HUNK: variants seen among roughly 807,000 people sequenced by gnomAD.
The protein encoded by HUNK is hormonally up-regulated Neu-associated kinase, also known as hormonally up-regulated neu tumor-associated kinase.
In HUNK, 21 loss-of-function variants were observed where a neutral mutation model predicts 61.0. The ratio of observed to expected loss-of-function variants is 0.34; its 90% CI spans 0.24 to 0.50. HUNK has a LOEUF of 0.50. Among genes scored for constraint, HUNK ranks in the 20% least tolerant of loss-of-function variants. The pLI is 0.98. For missense variants in HUNK, 772 were observed against 945.7 expected, an observed-to-expected ratio of 0.82 and a Z score of 2.41; for synonymous variants, 371 against 386.1, an observed-to-expected ratio of 0.96 and a Z score of 0.46.
intron 9 of HUNK, 72 bp downstream of exon 9, chr21:31,990,248 G>T: frequency 3.8e-6 from 5 of 1,320,424 alleles, no homozygotes; most frequent in Non-Finnish European, 5.4e-6. Flanking sequence ...TATGGAGAGA[G>T]AGAGAGATTG....
At chr21:31,908,153 T>C (rs866148301) in intron 1 of HUNK, among the ~76,000 whole-genome samples, 5 of 152,174 alleles carry the variant, frequency 3.3e-5, no homozygotes, top group Middle Eastern at 3.4e-3. Context: ...CCATAGGCAA[T>C]TGGGCTAAAC....
chr21:31,948,096 C>T (rs1349709799), intron 4 of HUNK, among the ~76,000 whole-genome samples: 1 of 152,152 alleles, frequency 6.6e-6, no homozygotes, highest in African/African-American at 2.4e-5. Context: ...AATAAAATCG[C>T]CCAAGGTCAT....
chr21:31,889,557 A>G (rs2052371880), intron 1 of HUNK, among the ~76,000 whole-genome samples: 1 of 152,234 alleles, frequency 6.6e-6, no homozygotes, highest in Non-Finnish European at 1.5e-5. Context: ...ACATTTAATA[A>G]TACTAATAAA....
chr21:31,884,005 A>T (rs2052328539), intron 1 of HUNK, among the ~76,000 whole-genome samples: 1 of 152,118 alleles, frequency 6.6e-6, no homozygotes, highest in Admixed American at 6.6e-5. Flanking sequence ...TGCAAGGGAG[A>T]GGCATGATAC....
At position 31,884,464 on chromosome 21, in the gene HUNK, C is replaced by T. The variant is rs911278496; in HGVS notation, c.261+10529C>T. 2.5e-4 allele frequency among the ~76,000 whole-genome samples: 38 copies of T among 151,900 alleles called. 1 individual carries two copies. Among genetic ancestry groups the T allele is most frequent in the Non-Finnish European group, 5.9e-5 (4 of 67,992 alleles). On this transcript the variant is annotated intron_variant, in intron 1 of 10. Transcript: ENST00000270112. ...AAAATTAGCCAGGCGTGGTGGTGGG[C>T]ACCTGTAATCCCAGCTACTTGGGAG...
chr21:31,874,616 C>T (rs1228665542), intron 1 of HUNK, among the ~76,000 whole-genome samples: 1 of 151,304 alleles, frequency 6.6e-6, no homozygotes, highest in African/African-American at 2.4e-5. Flanking sequence ...CATTCTCATC[C>T]CCGCCATTCT....
chr21:31,909,708 C>T (rs140201504), intron 1 of HUNK, among the ~76,000 whole-genome samples: 115 of 152,294 alleles, frequency 7.6e-4, no homozygotes, highest in African/African-American at 2.6e-3. Flanking sequence ...TGTCTAGCAT[C>T]GTTTCTCTGC....
intron 1 of HUNK, among the ~76,000 whole-genome samples, chr21:31,913,405 G>A (rs1396776539): frequency 6.6e-6 from 1 of 152,058 alleles, no homozygotes; most frequent in Non-Finnish European, 1.5e-5. Flanking sequence ...TGCAGCAGGG[G>A]AGTACAGGAA....
At chr21:31,881,077 G>A (rs1318519465) in intron 1 of HUNK, among the ~76,000 whole-genome samples, 1 of 152,246 alleles carries the variant, frequency 6.6e-6, no homozygotes, top group Non-Finnish European at 1.5e-5. Flanking sequence ...GCTGAGGGCG[G>A]TTCCTGGGGA....
In HUNK at chr21:31,924,770, A is replaced by G. The variant is rs2052648450; in HGVS notation, c.554+10A>G. Reference sequence around the variant, plus strand: ...CCGGGGTGGTCCACAGGTAAGGGCCAGGCCACGCTGGTGATCGCTGACTGT... The same window carrying G: ...CCGGGGTGGTCCACAGGTAAGGGCCGGGCCACGCTGGTGATCGCTGACTGT... On this transcript the variant is annotated intron_variant, in intron 2 of 10. Coordinates refer to ENST00000270112, the MANE Select transcript of HUNK (RefSeq NM_014586.2). The surrounding 1 kb of genome is among the most constrained non-coding windows in gnomAD (Gnocchi z 5.1). 7 of 1,584,178 alleles carry G rather than the reference A, an allele frequency of 4.4e-6. No homozygotes were observed. The highest frequency in any genetic ancestry group is 5.1e-6 in the Non-Finnish European group (6 of 1,165,512).
intron 5 of HUNK, among the ~76,000 whole-genome samples, chr21:31,964,050 G>A (rs921517113): frequency 1.3e-5 from 2 of 152,246 alleles, no homozygotes; most frequent in South Asian, 4.1e-4. Context: ...TCACAGAGTA[G>A]CGAATGCCTT....
chr21:31,880,065 G>C lies in HUNK; in HGVS notation c.261+6130G>C, dbSNP rs561330058. On this transcript the variant is annotated intron_variant, in intron 1 of 10. Transcript: ENST00000270112. ...ACAGGGACTGAATAGTCCCCGAGGA[G>C]GGGGATGCCTCTGTGAATTCGAGAC... Among the ~76,000 whole-genome samples the C allele has an allele frequency of 4.6e-5, 7 of 152,322 alleles. No homozygotes were observed. In the East Asian group the frequency reaches 1.4e-3, roughly 29 times the overall value.
chr21:31,910,109 C>G (rs1176638888), intron 1 of HUNK, among the ~76,000 whole-genome samples: 3 of 152,168 alleles, frequency 2.0e-5, no homozygotes, highest in Non-Finnish European at 4.4e-5. Context: ...TAATAACCAT[C>G]ATAAAGGTTT....
rs2053227055 is a variant in HUNK, at chr21:31,998,994, G to A, written c.1955G>A (p.Gly652Glu). 1.9e-6 allele frequency: 3 copies of A among 1,614,068 alleles called. No homozygotes were observed. Among genetic ancestry groups the A allele is most frequent in the Non-Finnish European group, 2.5e-6 (3 of 1,180,040 alleles). ...VPSNGPMQPLGSPNCVKSRGR... is the reference protein window; with the variant it reads ...VPSNGPMQPLESPNCVKSRGR... ...AGCAATGGCCCCATGCAGCCTCTGG[G>A]GAGCCCCAATTGTGTGAAAAGCCGA... is the stretch of plus-strand genomic sequence containing the variant. Residue 652 changes from glycine to glutamate, a missense_variant, in exon 11 of 11, where the codon GGG becomes GAG. Gly to Glu is a moderately conservative substitution (Grantham distance 98). Transcript: ENST00000270112.
chr21:31,945,725 C>G (rs566134618), intron 3 of HUNK, among the ~76,000 whole-genome samples: 2 of 152,064 alleles, frequency 1.3e-5, no homozygotes, highest in Admixed American at 1.3e-4. Context: ...CTCTTTTTTT[C>G]CTGGATGACT....
At chr21:31,911,511 G>A (rs1284562823) in intron 1 of HUNK, among the ~76,000 whole-genome samples, 4 of 152,200 alleles carry the variant, frequency 2.6e-5, no homozygotes, top group East Asian at 1.9e-4. Flanking sequence ...CGAGGGAGCC[G>A]TGGGCTGCCT....
intron 1 of HUNK, among the ~76,000 whole-genome samples, chr21:31,888,695 G>T (rs1032270335): frequency 6.6e-6 from 1 of 151,962 alleles, no homozygotes; most frequent in Admixed American, 6.6e-5. Context: ...AGCCAAGATT[G>T]TGCCATTGTA....
At chr21:31,960,313 T>C (rs1461354440) in intron 5 of HUNK, among the ~76,000 whole-genome samples, 3 of 152,042 alleles carry the variant, frequency 2.0e-5, no homozygotes, top group Admixed American at 2.0e-4. Flanking sequence ...ACATGTGTGG[T>C]ATTTGGTAAT....
chr21:31,980,303 C>A (rs141474481), intron 7 of HUNK, among the ~76,000 whole-genome samples: 3 of 151,754 alleles, frequency 2.0e-5, no homozygotes, highest in South Asian at 2.1e-4. Context: ...AACTCCTGAC[C>A]CTGTGGTCTG....
Sources: allele counts gnomAD v4.1 joint callset (sites outside exome capture counted in the v4.1 genomes callset), GRCh38; gene constraint gnomAD v4.1.1; non-coding constraint Gnocchi (gnomAD v3.1); transcripts MANE v1.5; gene names NCBI Gene and HGNC (gene_info 2026-07-23, HGNC 2026-07-21).